NALF1: variants seen among roughly 807,000 people sequenced by gnomAD.
NALF1 encodes the protein family with sequence similarity 155 member A.
A neutral mutation model predicts 48.4 loss-of-function variants in NALF1; 3 were observed. That is an observed-to-expected ratio of 0.06 (90% confidence interval 0.03 to 0.16). The LOEUF is 0.16. Among genes scored for constraint, NALF1 ranks in the 10% least tolerant of loss-of-function variants. NALF1 has a pLI of 1.00. For synonymous variants in NALF1, 262 were observed against 245.7 expected (o/e 1.07, Z -0.62); for missense variants, 526 against 571.5 (o/e 0.92, Z 0.81).
intron 1 of NALF1, among the ~76,000 whole-genome samples, chr13:107,467,766 T>G (rs1217587428): frequency 6.6e-6 from 1 of 152,094 alleles, no homozygotes; most frequent in South Asian, 2.1e-4. Flanking sequence ...ATTGGCCGGG[T>G]GCGGTGGCCC....
chr13:107,639,974 A>T (rs1250513773), intron 1 of NALF1, among the ~76,000 whole-genome samples: 2 of 152,162 alleles, frequency 1.3e-5, no homozygotes, highest in Admixed American at 6.6e-5. Flanking sequence ...GCTGTTTTGA[A>T]TTCGTCTTTA....
intron 1 of NALF1, among the ~76,000 whole-genome samples, chr13:107,244,357 C>G (rs1433616057): frequency 1.3e-5 from 2 of 152,196 alleles, no homozygotes; most frequent in Admixed American, 1.3e-4. Context: ...TGAATTAATG[C>G]CACATCCCCT....
At chr13:107,387,324 C>A (rs879937099) in intron 1 of NALF1, among the ~76,000 whole-genome samples, 5 of 152,148 alleles carry the variant, frequency 3.3e-5, no homozygotes, top group Non-Finnish European at 5.9e-5. Flanking sequence ...TGACACAGAG[C>A]TTCCGTCCCA....
rs1023415475 is a variant in NALF1, at chr13:107,263,654, G to A, written c.916-52899C>T. Reference sequence around the variant, plus strand: ...TCTCATTCTCTCTTTGCCCGCCACCGTGTAAGACGTGCCTTTTACCTTCCA... The same window carrying A: ...TCTCATTCTCTCTTTGCCCGCCACCATGTAAGACGTGCCTTTTACCTTCCA... On this transcript the variant is annotated intron_variant, in intron 1 of 2. Transcript: ENST00000375915. Among the ~76,000 whole-genome samples, 83 of 152,048 alleles carry A rather than the reference G, an allele frequency of 5.5e-4. 1 individual carries two copies. The highest frequency in any genetic ancestry group is 2.1e-4 in the South Asian group (1 of 4,820).
chr13:107,364,032 A>T (rs1883109848), intron 1 of NALF1, among the ~76,000 whole-genome samples: 1 of 152,234 alleles, frequency 6.6e-6, no homozygotes, highest in Middle Eastern at 3.2e-3. Flanking sequence ...TATACGTAAT[A>T]AGAAGCTAGA....
chr13:107,468,274 G>A (rs1451254360), intron 1 of NALF1, among the ~76,000 whole-genome samples: 1 of 152,080 alleles, frequency 6.6e-6, no homozygotes, highest in Non-Finnish European at 1.5e-5. Context: ...CATTACCTAA[G>A]GCAAAATGGA....
chr13:107,383,351 T>G (rs1020140608), intron 1 of NALF1, among the ~76,000 whole-genome samples: 1 of 152,202 alleles, frequency 6.6e-6, no homozygotes, highest in Non-Finnish European at 1.5e-5. Flanking sequence ...TTATTTATAG[T>G]ATCTATTATG....
rs768130511 is a variant in NALF1, at chr13:107,866,252, G to A, written c.345C>T (p.Pro115=). The A allele has an allele frequency of 3.8e-6, 6 of 1,592,710 alleles. No individual in the cohort carries two copies. Among genetic ancestry groups the A allele is most frequent in the Non-Finnish European group, 4.3e-6 (5 of 1,171,510 alleles). The change falls in exon 1 of 3, where the codon CCC becomes CCT. Residue 115 remains proline (P), a synonymous_variant. Coordinates refer to ENST00000375915, the MANE Select transcript of NALF1 (RefSeq NM_001080396.3). The surrounding 1 kb of genome is among the most constrained non-coding windows in gnomAD (Gnocchi z 4.4). ...ALLASMGESS[P]AAQAHRLLSA... is the part of the protein sequence containing the mutation. Reference sequence around the variant, plus strand: ...AGAGGAGTCTGTGTGCCTGGGCGGCGGGCGAGGACTCCCCCATGCTCGCCA... The same window carrying A: ...AGAGGAGTCTGTGTGCCTGGGCGGCAGGCGAGGACTCCCCCATGCTCGCCA...
At chr13:107,703,413 G>A (rs1464324467) in intron 1 of NALF1, among the ~76,000 whole-genome samples, 6 of 148,772 alleles carry the variant, frequency 4.0e-5, no homozygotes, top group East Asian at 2.0e-4. Context: ...CCCAGCTGGA[G>A]TGCAATGGCA....
intron 1 of NALF1, among the ~76,000 whole-genome samples, chr13:107,287,931 T>C (rs189570779): frequency 1.7e-4 from 26 of 151,996 alleles, no homozygotes; most frequent in Admixed American, 2.0e-4. Context: ...GGTCTTGAAC[T>C]CTTGACCTCA....
At chr13:107,213,973 GA>G (rs201191076) in intron 1 of NALF1, among the ~76,000 whole-genome samples, 1 of 151,798 alleles carries the variant, frequency 6.6e-6, no homozygotes, top group Non-Finnish European at 1.5e-5. Flanking sequence ...AAAGACAAGA[GA>G]AAAAACAAAC....
chr13:107,488,735 A>T (rs1183042266), intron 1 of NALF1, among the ~76,000 whole-genome samples: 1 of 152,132 alleles, frequency 6.6e-6, no homozygotes, highest in African/African-American at 2.4e-5. Flanking sequence ...TTCCTCTCTC[A>T]ACACTCTTAT....
intron 1 of NALF1, among the ~76,000 whole-genome samples, chr13:107,709,351 G>A (rs940611253): frequency 3.3e-5 from 5 of 152,192 alleles, no homozygotes; most frequent in Non-Finnish European, 5.9e-5. Context: ...GTGTCAGCAC[G>A]GTCTGAGGAG....
At chr13:107,176,013 C>T (rs942471570) in intron 2 of NALF1, among the ~76,000 whole-genome samples, 11 of 152,196 alleles carry the variant, frequency 7.2e-5, no homozygotes, top group South Asian at 6.2e-4. Context: ...AGAGTTCTCC[C>T]GCAAAAACCA....
intron 1 of NALF1, among the ~76,000 whole-genome samples, chr13:107,545,740 G>A (rs538543264): frequency 8.5e-5 from 13 of 152,190 alleles, no homozygotes; most frequent in Non-Finnish European, 1.3e-4. Context: ...GGGCAGTGTG[G>A]GGTGGAAACA....
chr13:107,579,635 C>T (rs1369446572), intron 1 of NALF1, among the ~76,000 whole-genome samples: 2 of 149,776 alleles, frequency 1.3e-5, no homozygotes, highest in African/African-American at 2.5e-5. Flanking sequence ...TTTTATTTGA[C>T]AATTAAGCTA....
chr13:107,176,322 T>TAG (rs1566441746), intron 2 of NALF1, among the ~76,000 whole-genome samples: 3 of 150,022 alleles, frequency 2.0e-5, no homozygotes, highest in Non-Finnish European at 1.5e-5. Flanking sequence ...CACAGTTTTT[T>TAG]TTTTTTTTTT....
intron 1 of NALF1, among the ~76,000 whole-genome samples, chr13:107,436,437 C>T (rs1015295878): frequency 2.3e-4 from 35 of 151,998 alleles, no homozygotes; most frequent in African/African-American, 8.2e-4. Context: ...AGTATTAGCA[C>T]AAAAACAAGA....
chr13:107,343,056 C>T (rs551424533), intron 1 of NALF1, among the ~76,000 whole-genome samples: 1 of 152,182 alleles, frequency 6.6e-6, no homozygotes, highest in East Asian at 1.9e-4. Flanking sequence ...AACACTCTAC[C>T]CCATAAAAGC....
Sources: allele counts gnomAD v4.1 joint callset (sites outside exome capture counted in the v4.1 genomes callset), GRCh38; gene constraint gnomAD v4.1.1; non-coding constraint Gnocchi (gnomAD v3.1); transcripts MANE v1.5; gene names NCBI Gene and HGNC (gene_info 2026-07-23, HGNC 2026-07-21).